RFX1: variants seen among roughly 807,000 people sequenced by gnomAD.
RFX1 encodes MHC class II regulatory factor RFX1.
A neutral mutation model predicts 119.6 loss-of-function variants in RFX1; 42 were observed. The ratio of observed to expected loss-of-function variants is 0.35; its 90% confidence interval spans 0.27 to 0.45. The LOEUF (loss-of-function observed/expected upper bound fraction) is 0.45. RFX1 is among the 20% of genes least tolerant of loss of function. RFX1 has a pLI of 1.00. For missense variants in RFX1, 1,118 were observed against 1,368.1 expected (o/e 0.82, Z 2.88); for synonymous variants, 628 against 618.5 (o/e 1.02, Z -0.23).
chr19:13,979,889 G>A (rs937865379), intron 6 of RFX1, among the ~76,000 whole-genome samples: 1 of 152,098 alleles, frequency 6.6e-6, no homozygotes. Flanking sequence ...GTGCTGTGGC[G>A]GGCATGCGGG....
At chr19:13,995,851 CAAAAAAAAAAAAAA>C (rs57542235) in intron 1 of RFX1, among the ~76,000 whole-genome samples, 2 of 35,630 alleles carry the variant, frequency 5.6e-5, no homozygotes, top group Non-Finnish European at 7.1e-5. Flanking sequence ...ACTCTGTCTC[CAAAAAAAAAAAAAA>C]AAAAAAAAAA....
chr19:13,974,391 G>T (rs1974188653), intron 8 of RFX1, among the ~76,000 whole-genome samples: 1 of 152,130 alleles, frequency 6.6e-6, no homozygotes, highest in South Asian at 2.1e-4. Context: ...CAGGCTTGAG[G>T]CTGCAAATCG....
In RFX1 at chr19:13,990,267, G is replaced by C. The variant is rs950734440; in HGVS notation, c.319+3258C>G. On this transcript the variant is annotated intron_variant, in intron 2 of 20. Coordinates refer to ENST00000254325, the MANE Select transcript of RFX1 (RefSeq NM_002918.5). The surrounding 1 kb of genome is among the most constrained non-coding windows in gnomAD (Gnocchi z 4.1). ...AGAAGCAGCAGAGAGGACCACGGAG[G>C]GGCTGCGGGCGGTGGGCGGAGACCA... 5.9e-5 allele frequency among the ~76,000 whole-genome samples: 9 copies of C among 152,144 alleles called. No homozygotes were observed. The highest frequency in any genetic ancestry group is 1.0e-4 in the Non-Finnish European group (7 of 68,036).
rs1453284218 is a variant in RFX1 at position 13,986,676 on chromosome 19, G to A, written c.320-3081C>T. Among the ~76,000 whole-genome samples the A allele has an allele frequency of 5.3e-5, 8 of 152,312 alleles. No homozygotes were observed. Among genetic ancestry groups the A allele is most frequent in the Non-Finnish European group, 5.9e-5 (4 of 68,010 alleles). ...GGAGGCCCCCACTGTCTCAGGAAAC[G>A]GCGGCCGATTTCCTGTCTCTGAATC... On this transcript the variant is annotated intron_variant, in intron 2 of 20. Transcript: ENST00000254325. The surrounding 1 kb of genome is among the most constrained non-coding windows in gnomAD (Gnocchi z 4.2).
chr19:13,992,638 G>A (rs1228650797), intron 2 of RFX1, among the ~76,000 whole-genome samples: 1 of 152,170 alleles, frequency 6.6e-6, no homozygotes, highest in Non-Finnish European at 1.5e-5. Context: ...AGGCCATCCT[G>A]GCTATGAGAC....
At chr19:13,992,597 C>A (rs1241336480) in intron 2 of RFX1, among the ~76,000 whole-genome samples, 1 of 152,206 alleles carries the variant, frequency 6.6e-6, no homozygotes, top group Non-Finnish European at 1.5e-5. Context: ...AGGCCCTCAC[C>A]CCCAGCTGAC....
Position 13,962,847 on chromosome 19 carries a change from C to G in RFX1, c.2788G>C (p.Glu930Gln). Residue 930 changes from glutamate to glutamine, a missense_variant, in exon 21 of 21, where the codon GAG (glutamate) becomes CAG (glutamine). Transcript: ENST00000254325. ...GGCAGCTCGTCCTCGCTCTCCTCCT[C>G]CTCTTCTTCCTCCTCGTCTGGAACA... Reference protein sequence around the residue: ...DPDKDEEEEEEEESEDELPQD... With the variant: ...DPDKDEEEEEQEESEDELPQD... The G allele has an allele frequency of 6.5e-7, 1 of 1,527,828 alleles. No individual in the cohort carries two copies. The highest frequency in any genetic ancestry group is 8.8e-7 in the Non-Finnish European group (1 of 1,139,556). 94.6% of individuals were successfully genotyped at this position (1,527,828 alleles called of 1,614,324 possible).
intron 9 of RFX1, among the ~76,000 whole-genome samples, chr19:13,970,961 A>C (rs1476450205): frequency 1.3e-5 from 2 of 151,926 alleles, no homozygotes; most frequent in African/African-American, 2.4e-5. Context: ...AGATCGCACC[A>C]CTGCACTCCA....
At chr19:13,973,171 C>T (rs775848171) in intron 8 of RFX1, 44 bp from the exon 9 acceptor site, 1 of 1,471,870 alleles carries the variant, frequency 6.8e-7, no homozygotes, top group South Asian at 1.2e-5. Flanking sequence ...GGGATGAGAA[C>T]TGGGGGGCCG....
intron 1 of RFX1, among the ~76,000 whole-genome samples, chr19:13,997,643 A>G (rs10421942): frequency 0.064 from 9,707 of 152,232 alleles, 1,054 homozygotes; most frequent in African/African-American, 0.22. Flanking sequence ...TGCCTCTTGG[A>G]TGTGCCCTCT....
At position 13,968,981 on chromosome 19, in the gene RFX1, T is replaced by A; in HGVS notation, c.1497-87A>T. 1 of 1,412,058 alleles carries A rather than the reference T, an allele frequency of 7.1e-7. No individual in the cohort carries two copies. The highest frequency in any genetic ancestry group is 1.3e-5 in the South Asian group (1 of 76,456). 87.5% of individuals were successfully genotyped at this position (1,412,058 alleles called of 1,614,324 possible). Reference sequence around the variant, plus strand: ...CACCTCACAGCACACCCGTCTCCTCTCTGTTAGGAGAATGGATAGAGAGAC... The same window carrying A: ...CACCTCACAGCACACCCGTCTCCTCACTGTTAGGAGAATGGATAGAGAGAC... On this transcript the variant is annotated intron_variant, in intron 10 of 20. Transcript: ENST00000254325. This position sits in a 1 kb window ranked among gnomAD's most constrained non-coding sequence, Gnocchi z 5.5.
At chr19:13,963,772 C>T (rs1387590484) in intron 17 of RFX1, 26 bp from the exon 18 acceptor site, 7 of 1,522,130 alleles carry the variant, frequency 4.6e-6, no homozygotes, top group Middle Eastern at 2.2e-4. Flanking sequence ...TGGGCGGGCG[C>T]CCGGGGCTCA....
At chr19:13,996,599 A>G (rs1975029552) in intron 1 of RFX1, among the ~76,000 whole-genome samples, 1 of 151,754 alleles carries the variant, frequency 6.6e-6, no homozygotes, top group African/African-American at 2.4e-5. Flanking sequence ...GCTGAGGGGT[A>G]GGCTGCTGAA....
In RFX1 at chr19:13,968,683, G is replaced by C; in HGVS notation, c.1617-3C>G. ...CCATCTTCTGGATGGGCTTGAGCCT[G>C]GAGTAGAATGGGCAGGTGGGCCGGC... is the stretch of plus-strand genomic sequence containing the variant. On this transcript the variant is annotated splice_polypyrimidine_tract_variant and splice_region_variant and intron_variant, in intron 11 of 20. Coordinates refer to ENST00000254325, the MANE Select transcript of RFX1 (RefSeq NM_002918.5). This position sits in a 1 kb window ranked among gnomAD's most constrained non-coding sequence, Gnocchi z 5.5. 3.7e-6 allele frequency: 6 copies of C among 1,612,760 alleles called. No individual in the cohort carries two copies. The highest frequency in any genetic ancestry group is 5.1e-6 in the Non-Finnish European group (6 of 1,179,776).
rs966984459 is a variant in RFX1 at position 13,968,343 on chromosome 19, G to C, written c.1732+222C>G. 6.6e-6 allele frequency among the ~76,000 whole-genome samples: 1 copy of C among 152,136 alleles called. No individual in the cohort carries two copies. The highest frequency in any genetic ancestry group is 1.5e-5 in the Non-Finnish European group (1 of 68,008). ...GCTCAGAACCCCCGAGAAATGCTTT[G>C]CATTGAAAGAAATGAGAATCTACCT... On this transcript the variant is annotated intron_variant, in intron 12 of 20. Coordinates refer to ENST00000254325, the MANE Select transcript of RFX1 (RefSeq NM_002918.5). This position sits in a 1 kb window ranked among gnomAD's most constrained non-coding sequence, Gnocchi z 5.5.
intron 2 of RFX1, among the ~76,000 whole-genome samples, chr19:13,987,075 C>A (rs1974622626): frequency 6.6e-6 from 1 of 152,230 alleles, no homozygotes; most frequent in Non-Finnish European, 1.5e-5. Context: ...GGACACAAGT[C>A]TTCTTGGCCC....
At chr19:14,004,139 A>C (rs1311328173) in intron 1 of RFX1, among the ~76,000 whole-genome samples, 1 of 151,992 alleles carries the variant, frequency 6.6e-6, no homozygotes, top group Non-Finnish European at 1.5e-5. Context: ...ACCTCAGGTG[A>C]TCCGCCCACC....
chr19:13,989,547 G>C (rs1464482948), intron 2 of RFX1, among the ~76,000 whole-genome samples: 6 of 150,120 alleles, frequency 4.0e-5, no homozygotes, highest in African/African-American at 1.5e-4. Flanking sequence ...GAGAGAGAGA[G>C]AGAGAGACAG....
At chr19:13,983,725 G>C (rs1222763410) in intron 2 of RFX1, 130 bp from the exon 3 acceptor site, 21 of 737,678 alleles carry the variant, frequency 2.8e-5, no homozygotes, top group Non-Finnish European at 4.4e-5. Flanking sequence ...CAAGAGTCCT[G>C]CTTCCCCCTG....
Sources: allele counts gnomAD v4.1 joint callset (sites outside exome capture counted in the v4.1 genomes callset), GRCh38; gene constraint gnomAD v4.1.1; non-coding constraint Gnocchi (gnomAD v3.1); transcripts MANE v1.5; gene names NCBI Gene and HGNC (gene_info 2026-07-23, HGNC 2026-07-21).